Variants in CNTNAP2 observed in about 807,000 individuals in gnomAD.
CNTNAP2 encodes contactin associated protein 2.
In CNTNAP2, 98 loss-of-function variants were observed where a neutral mutation model predicts 155.2. The ratio of observed to expected loss-of-function variants is 0.63; its 90% CI spans 0.54 to 0.75. The LOEUF is 0.75. Among genes scored for constraint, CNTNAP2 ranks in the 30% least tolerant of loss-of-function variants. The pLI is 0.00. For synonymous variants in CNTNAP2, 651 were observed against 631.2 expected (o/e 1.03, Z -0.47); for missense variants, 1,727 against 1,688.1 (o/e 1.02, Z -0.40).
intron 4 of CNTNAP2, among the ~76,000 whole-genome samples, chr7:147,065,621 T>C (rs1799764597): frequency 1.3e-5 from 2 of 152,224 alleles, no homozygotes; most frequent in Admixed American, 6.5e-5. Flanking sequence ...CTGTCACTTA[T>C]ATGTTCAGTT....
In CNTNAP2 at chr7:148,394,319, T is replaced by C. The variant is rs960383337; in HGVS notation, c.3715+10431T>C. Reference sequence around the variant, plus strand: ...TTTACCATCTTCTAAATTCCCTTCATTTCTGAGTCCCTACTGGACTCTCTG... The same window carrying C: ...TTTACCATCTTCTAAATTCCCTTCACTTCTGAGTCCCTACTGGACTCTCTG... On this transcript the variant is annotated intron_variant, in intron 22 of 23. Transcript: ENST00000361727. 2.6e-5 allele frequency among the ~76,000 whole-genome samples: 4 copies of C among 152,306 alleles called. No homozygotes were observed. The East Asian group carries it at 7.7e-4, about 29-fold the overall frequency.
In CNTNAP2 at chr7:147,943,709, G is replaced by A. The variant is rs577815961; in HGVS notation, c.2256-34153G>A. On this transcript the variant is annotated intron_variant, in intron 14 of 23. Transcript: ENST00000361727. Reference sequence around the variant, plus strand: ...GCCCAGGAGACAGAGGTTGCAGTGAGCTGAGATAATGTCACTCACTGCACT... The same window carrying A: ...GCCCAGGAGACAGAGGTTGCAGTGAACTGAGATAATGTCACTCACTGCACT... Among the ~76,000 whole-genome samples, 7 of 129,710 alleles carry A rather than the reference G, an allele frequency of 5.4e-5. No homozygotes were observed. The South Asian group carries it at 1.9e-3, about 35-fold the overall frequency. 85.1% of individuals were successfully genotyped at this position (129,710 alleles called of 152,430 possible).
chr7:146,136,371 T>C (rs922685002), intron 1 of CNTNAP2, among the ~76,000 whole-genome samples: 2 of 152,182 alleles, frequency 1.3e-5, no homozygotes, highest in Non-Finnish European at 2.9e-5. Flanking sequence ...GTCTTTTCTA[T>C]GATAATGGAC....
At chr7:146,645,718 G>A (rs567605008) in intron 1 of CNTNAP2, among the ~76,000 whole-genome samples, 3 of 152,160 alleles carry the variant, frequency 2.0e-5, no homozygotes, top group South Asian at 2.1e-4. Context: ...TATCCACAGA[G>A]TTATATGTTC....
chr7:147,016,805 C>T (rs1003405825), intron 3 of CNTNAP2, among the ~76,000 whole-genome samples: 4 of 151,880 alleles, frequency 2.6e-5, no homozygotes, highest in African/African-American at 9.7e-5. Flanking sequence ...GAATGGGCCA[C>T]AGGGAAGTTA....
chr7:147,077,003 T>C (rs764746570), intron 4 of CNTNAP2, among the ~76,000 whole-genome samples: 1 of 152,180 alleles, frequency 6.6e-6, no homozygotes, highest in Non-Finnish European at 1.5e-5. Context: ...AAAACACAAC[T>C]GCTTCGTTTC....
At chr7:147,295,113 A>G (rs143994093) in intron 8 of CNTNAP2, among the ~76,000 whole-genome samples, 4 of 152,326 alleles carry the variant, frequency 2.6e-5, no homozygotes, top group Admixed American at 6.5e-5. Flanking sequence ...TAACTAGTAT[A>G]CAAATACTTA....
At chr7:148,328,995 A>AAAAT (rs1797940839) in intron 21 of CNTNAP2, among the ~76,000 whole-genome samples, 1 of 143,572 alleles carries the variant, frequency 7.0e-6, no homozygotes, top group Non-Finnish European at 1.5e-5. Flanking sequence ...AAAAAAAAAA[A>AAAAT]AAAAAGGCCC....
At chr7:146,866,421 G>C (rs1795206699) in intron 3 of CNTNAP2, among the ~76,000 whole-genome samples, 1 of 152,000 alleles carries the variant, frequency 6.6e-6, no homozygotes. Flanking sequence ...ACAGTCTTTA[G>C]CTCCTGCATA....
chr7:147,976,381 G>A (rs2116862958), intron 14 of CNTNAP2, among the ~76,000 whole-genome samples: 1 of 152,142 alleles, frequency 6.6e-6, no homozygotes, highest in South Asian at 2.1e-4. Flanking sequence ...TTCCTCTTTG[G>A]CATGATTGTA....
intron 11 of CNTNAP2, among the ~76,000 whole-genome samples, chr7:147,490,824 G>C (rs930789697): frequency 3.3e-5 from 5 of 152,204 alleles, no homozygotes; most frequent in Admixed American, 3.3e-4. Context: ...GAGGCCTCAG[G>C]AAACTTACCA....
rs78595998 is a variant in CNTNAP2 at position 148,070,739 on chromosome 7, A to T, written c.2384-47379A>T. Among the ~76,000 whole-genome samples, 57 of 152,216 alleles carry T rather than the reference A, an allele frequency of 3.7e-4. No individual in the cohort carries two copies. The East Asian group carries it at 9.4e-3, about 25-fold the overall frequency. On this transcript the variant is annotated intron_variant, in intron 15 of 23. Transcript: ENST00000361727. ...TCTAAAATAAATAAATTAATTAATT[A>T]AATTAAATAAGAAACAGTTTTGCAT...
intron 2 of CNTNAP2, among the ~76,000 whole-genome samples, chr7:146,819,738 C>G (rs1014338038): frequency 2.0e-5 from 3 of 152,098 alleles, no homozygotes; most frequent in Non-Finnish European, 4.4e-5. Flanking sequence ...TTTCTCTAAT[C>G]GTTTTTTTCC....
intron 1 of CNTNAP2, among the ~76,000 whole-genome samples, chr7:146,762,643 G>A (rs1439412302): frequency 6.6e-6 from 1 of 152,056 alleles, no homozygotes; most frequent in Non-Finnish European, 1.5e-5. Context: ...GTAGTAGTCT[G>A]TTCTCACACT....
Position 147,306,042 on chromosome 7 carries a change from C to T in CNTNAP2, c.1498+5752C>T, listed in dbSNP as rs74618805. ...ACCACTCATGGGATTAGGTATCATC[C>T]TAATCATTATCACCTCATCTTAACC... is the stretch of plus-strand genomic sequence containing the variant. On this transcript the variant is annotated intron_variant, in intron 9 of 23. Transcript: ENST00000361727. 6.0e-3 allele frequency among the ~76,000 whole-genome samples: 909 copies of T among 152,254 alleles called. 26 individuals are homozygous for T. Among genetic ancestry groups the T allele is most frequent in the Admixed American group, 0.041 (628 of 15,296 alleles).
chr7:148,409,542 G>T, intron 23 of CNTNAP2, 71 bp downstream of exon 23: 1 of 1,380,066 alleles, frequency 7.2e-7, no homozygotes, highest in East Asian at 2.3e-5. Flanking sequence ...CAATAACATA[G>T]TAGTCTAGGA....
At chr7:147,816,030 A>G (rs1798260284) in intron 13 of CNTNAP2, among the ~76,000 whole-genome samples, 1 of 152,246 alleles carries the variant, frequency 6.6e-6, no homozygotes, top group Admixed American at 6.5e-5. Context: ...TGCTTAATGT[A>G]CAGTGAAAGA....
chr7:148,200,821 G>A (rs1169740400), intron 18 of CNTNAP2, among the ~76,000 whole-genome samples: 1 of 152,196 alleles, frequency 6.6e-6, no homozygotes, highest in Non-Finnish European at 1.5e-5. Flanking sequence ...CAGGCAGGTT[G>A]TTTACCTTCT....
At chr7:147,552,145 T>C (rs13236371) in intron 11 of CNTNAP2, among the ~76,000 whole-genome samples, 19,081 of 152,174 alleles carry the variant, frequency 0.13, 1,516 homozygotes, top group East Asian at 0.31. Flanking sequence ...ACTGTGTCCT[T>C]CTATGGCCTT....
Sources: gnomAD v4.1 joint callset for allele counts (sites outside exome capture counted in the v4.1 genomes callset) on GRCh38, gnomAD v4.1.1 for gene constraint, MANE v1.5 for transcripts, NCBI Gene and HGNC (gene_info 2026-07-23, HGNC 2026-07-21) for gene names.